The following PTPRG variants were observed in gnomAD, a reference collection of about 807,000 sequenced individuals.
PTPRG encodes protein tyrosine phosphatase receptor type G, also known as receptor-type tyrosine-protein phosphatase gamma.
PTPRG carries 102 observed loss-of-function variants against 165.3 expected under a neutral mutation model. That is an observed-to-expected ratio of 0.62 (90% confidence interval 0.53 to 0.73). The LOEUF (loss-of-function observed/expected upper bound fraction) is 0.73, where lower values mean the gene tolerates loss of function less well. Ranked by LOEUF, PTPRG falls within the 30% of genes least tolerant of loss-of-function variation. The probability of loss-of-function intolerance (pLI) is 0.00; values close to 1 mark genes in which losing one functional copy is unlikely to be tolerated. For missense variants in PTPRG, 1,866 were observed against 1,861.4 expected (o/e 1.00, Z -0.05); for synonymous variants, 675 against 669.5 (o/e 1.01, Z -0.13).
chr3:61,743,209 A>G, intron 1 of PTPRG: 1 of 709,258 alleles, frequency 1.4e-6, no homozygotes, highest in Admixed American at 2.0e-5. Flanking sequence ...AAGTTCTGAG[A>G]AGAGACAGAG....
intron 8 of PTPRG, among the ~76,000 whole-genome samples, chr3:62,170,315 T>A (rs751413202): frequency 8.6e-5 from 13 of 151,930 alleles, no homozygotes; most frequent in South Asian, 8.3e-4. Context: ...ACTGAGAAAA[T>A]CAGGTCTCCT....
intron 5 of PTPRG, among the ~76,000 whole-genome samples, chr3:62,083,288 A>T (rs539226734): frequency 2.0e-4 from 30 of 151,034 alleles, no homozygotes; most frequent in African/African-American, 6.9e-4. Context: ...TTTGTGGAGA[A>T]CGGGGTCTCA....
chr3:62,179,603 T>C (rs559909031), intron 8 of PTPRG, among the ~76,000 whole-genome samples: 2 of 152,342 alleles, frequency 1.3e-5, no homozygotes, highest in South Asian at 4.1e-4. Context: ...TATGGACCTA[T>C]TTGCCAGGGG....
At chr3:61,897,824 G>C (rs2038397234) in intron 2 of PTPRG, among the ~76,000 whole-genome samples, 1 of 152,132 alleles carries the variant, frequency 6.6e-6, no homozygotes, top group Non-Finnish European at 1.5e-5. Context: ...CTAGAGTACA[G>C]TTATAAATGG....
chr3:61,823,755 T>C lies in PTPRG; in HGVS notation c.190+74773T>C, dbSNP rs112780705. On this transcript the variant is annotated intron_variant, in intron 2 of 29. Coordinates refer to ENST00000474889, the MANE Select transcript of PTPRG (RefSeq NM_002841.4). Reference sequence around the variant, plus strand: ...TTATAGTGCAAGTAGAAATCAATAATGTAGGACAACGGAGAAATGCCTTCA... The same window carrying C: ...TTATAGTGCAAGTAGAAATCAATAACGTAGGACAACGGAGAAATGCCTTCA... Among the ~76,000 whole-genome samples, 869 of 152,358 alleles carry C rather than the reference T, an allele frequency of 5.7e-3. 7 individuals carry two copies. Among genetic ancestry groups the C allele is most frequent in the African/African-American group, 0.02 (842 of 41,590 alleles).
intron 2 of PTPRG, among the ~76,000 whole-genome samples, chr3:61,916,216 G>A (rs2038932474): frequency 6.6e-6 from 1 of 152,092 alleles, no homozygotes; most frequent in African/African-American, 2.4e-5. Flanking sequence ...TTTCTTTGTT[G>A]GCATTTGTAA....
At chr3:62,223,149 A>G (rs1700687694) in intron 13 of PTPRG, among the ~76,000 whole-genome samples, 1 of 152,114 alleles carries the variant, frequency 6.6e-6, no homozygotes, top group Non-Finnish European at 1.5e-5. Flanking sequence ...GGGCCGGATC[A>G]TGAGGGCCTC....
intron 2 of PTPRG, among the ~76,000 whole-genome samples, chr3:61,834,512 TCCTTTTTCTTA>T (rs2036402791): frequency 6.6e-6 from 1 of 151,896 alleles, no homozygotes; most frequent in African/African-American, 2.4e-5. Flanking sequence ...CCTAGTGAGA[TCCTTTTTCTTA>T]AAAACATAAG....
At chr3:61,754,367 C>T (rs1008686075) in intron 2 of PTPRG, among the ~76,000 whole-genome samples, 1 of 152,166 alleles carries the variant, frequency 6.6e-6, no homozygotes, top group African/African-American at 2.4e-5. Context: ...GTAGGTATTA[C>T]CTGTGTGGCT....
intron 6 of PTPRG, among the ~76,000 whole-genome samples, chr3:62,153,339 A>T (rs1403108803): frequency 6.6e-6 from 1 of 152,194 alleles, no homozygotes; most frequent in African/African-American, 2.4e-5. Flanking sequence ...TGTCACAGCA[A>T]CCCTGAGAGT....
At chr3:61,983,727 TTTATC>T (rs1185359025) in intron 2 of PTPRG, among the ~76,000 whole-genome samples, 3 of 152,140 alleles carry the variant, frequency 2.0e-5, no homozygotes, top group Admixed American at 1.3e-4. Flanking sequence ...TCATACAACT[TTTATC>T]TTAGGTCAGT....
At chr3:62,021,221 A>T (rs1011785551) in intron 4 of PTPRG, among the ~76,000 whole-genome samples, 1 of 152,194 alleles carries the variant, frequency 6.6e-6, no homozygotes, top group Non-Finnish European at 1.5e-5. Context: ...GCTTTTTTCC[A>T]TGATGTGGAT....
chr3:62,169,403 T>A (rs1705132409), intron 8 of PTPRG, among the ~76,000 whole-genome samples: 1 of 152,160 alleles, frequency 6.6e-6, no homozygotes, highest in African/African-American at 2.4e-5. Context: ...TTTTAACCTA[T>A]TATTTAACAG....
At chr3:61,707,788 C>G (rs2365945) in intron 1 of PTPRG, among the ~76,000 whole-genome samples, 16,359 of 151,940 alleles carry the variant, frequency 0.11, 1,116 homozygotes, top group East Asian at 0.16. Flanking sequence ...TTTTTAATGC[C>G]TATTTTATTA....
At chr3:61,964,343 G>A (rs897456181) in intron 2 of PTPRG, among the ~76,000 whole-genome samples, 2 of 152,120 alleles carry the variant, frequency 1.3e-5, no homozygotes, top group African/African-American at 2.4e-5. Context: ...TGAATGAGGC[G>A]GGAAACGTCA....
chr3:62,073,901 G>A (rs1248069650), intron 4 of PTPRG, among the ~76,000 whole-genome samples: 1 of 152,116 alleles, frequency 6.6e-6, no homozygotes, highest in Non-Finnish European at 1.5e-5. Flanking sequence ...TAAAAAGACA[G>A]GACAACTAAA....
chr3:62,077,288 A>AC (rs372660087), intron 4 of PTPRG, among the ~76,000 whole-genome samples: 12 of 151,754 alleles, frequency 7.9e-5, no homozygotes, highest in Middle Eastern at 3.4e-3. Context: ...AAAAAAAAAA[A>AC]AAACAAACCA....
chr3:61,825,572 G>C (rs763545824), intron 2 of PTPRG, among the ~76,000 whole-genome samples: 1 of 152,084 alleles, frequency 6.6e-6, no homozygotes, highest in Non-Finnish European at 1.5e-5. Flanking sequence ...TTGTATGGTA[G>C]TTAAATAAAT....
At chr3:61,742,657 A>G in intron 1 of PTPRG, 1 of 1,604,848 alleles carries the variant, frequency 6.2e-7, no homozygotes, top group South Asian at 1.1e-5. Flanking sequence ...TGTGGACTTC[A>G]CCTCACCCAC....
Sources: allele counts gnomAD v4.1 joint callset (sites outside exome capture counted in the v4.1 genomes callset), GRCh38; gene constraint gnomAD v4.1.1; transcripts MANE v1.5; gene names NCBI Gene and HGNC (gene_info 2026-07-23, HGNC 2026-07-21).